IKBIP: variants seen among roughly 807,000 people sequenced by gnomAD.
IKBIP encodes IKBKB interacting protein.
IKBIP carries 28 observed loss-of-function variants against 31.0 expected under a neutral mutation model. The ratio of observed to expected loss-of-function variants is 0.90; its 90% CI spans 0.67 to 1.24. The LOEUF is 1.24. IKBIP is among the 50% of genes most tolerant of loss of function. IKBIP has a pLI of 0.00. For missense variants in IKBIP, 453 were observed against 441.9 expected (o/e 1.03, Z -0.23); for synonymous variants, 164 against 160.3 (o/e 1.02, Z -0.17).
At chr12:98,635,075 G>A (rs557838292) in intron 1 of IKBIP, among the ~76,000 whole-genome samples, 76 of 150,220 alleles carry the variant, frequency 5.1e-4, no homozygotes, top group Middle Eastern at 6.8e-3. Context: ...GCACGATCTC[G>A]GTTCACTGCA....
In IKBIP at chr12:98,626,769, G is replaced by C. The variant is rs2097614953; in HGVS notation, c.298-3C>G. ...AGGATGCTTTCAGTAGACTCAAGCT[G>C]CATTTATAACACAAAACAATTCCCA... On this transcript the variant is annotated splice_polypyrimidine_tract_variant and splice_region_variant and intron_variant, in intron 2 of 2. Coordinates refer to ENST00000299157, the MANE Select transcript of IKBIP (RefSeq NM_153687.4). 2 of 1,583,806 alleles carry C rather than the reference G, an allele frequency of 1.3e-6. No homozygotes were observed. Among genetic ancestry groups the C allele is most frequent in the Admixed American group, 3.7e-5 (2 of 54,482 alleles).
exon 3 of IKBIP, chr12:98,614,015 T>C: frequency 6.2e-7 from 1 of 1,610,114 alleles, no homozygotes; most frequent in Non-Finnish European, 8.5e-7. Flanking sequence ...TACTGTATTT[T>C]TTTCTACTTT....
At chr12:98,629,709 G>T (rs941920284) in intron 2 of IKBIP, among the ~76,000 whole-genome samples, 1 of 152,032 alleles carries the variant, frequency 6.6e-6, no homozygotes, top group Non-Finnish European at 1.5e-5. Flanking sequence ...ACATGGTTAG[G>T]TTTAGTTGTT....
downstream of IKBIP, among the ~76,000 whole-genome samples, chr12:98,620,508 A>C (rs11109547): frequency 2.9e-3 from 443 of 152,042 alleles, 2 homozygotes; most frequent in Non-Finnish European, 5.5e-3. Context: ...CTGGGATTAC[A>C]GACGCTCACC....
At chr12:98,632,736 T>C (rs979560529) in intron 2 of IKBIP, among the ~76,000 whole-genome samples, 3 of 149,206 alleles carry the variant, frequency 2.0e-5, no homozygotes, top group African/African-American at 4.9e-5. Context: ...GCAATTCTCA[T>C]ACATCAGCCT....
chr12:98,635,274 G>A (rs935663168), intron 1 of IKBIP, among the ~76,000 whole-genome samples: 5 of 152,070 alleles, frequency 3.3e-5, no homozygotes, highest in African/African-American at 1.2e-4. Flanking sequence ...AAAGTGCTAG[G>A]ATTACAGGCA....
At chr12:98,617,047 C>T (rs562469480) in intron 2 of IKBIP, among the ~76,000 whole-genome samples, 1 of 152,254 alleles carries the variant, frequency 6.6e-6, no homozygotes, top group African/African-American at 2.4e-5. Context: ...GCTTTATTGG[C>T]CTGTAACTTT....
chr12:98,617,629 G>A (rs770904773), intron 2 of IKBIP, among the ~76,000 whole-genome samples: 5 of 152,154 alleles, frequency 3.3e-5, no homozygotes, highest in Non-Finnish European at 5.9e-5. Flanking sequence ...GTTGGATAAA[G>A]TCGTACAATT....
chr12:98,635,603 T>A (rs2097625093), intron 1 of IKBIP, among the ~76,000 whole-genome samples: 1 of 152,222 alleles, frequency 6.6e-6, no homozygotes, highest in Non-Finnish European at 1.5e-5. Flanking sequence ...TGATCTCTAC[T>A]GTTTTTCACA....
intron 2 of IKBIP, among the ~76,000 whole-genome samples, chr12:98,631,940 C>T (rs916348271): frequency 1.3e-5 from 2 of 151,426 alleles, no homozygotes; most frequent in Non-Finnish European, 2.9e-5. Flanking sequence ...ACTGCAATCT[C>T]CACCTCCCAG....
At chr12:98,641,979 T>C (rs1017111233) in intron 1 of IKBIP, among the ~76,000 whole-genome samples, 1 of 152,198 alleles carries the variant, frequency 6.6e-6, no homozygotes. Context: ...TGATATAGCA[T>C]TGTGTTATCA....
At chr12:98,642,770 T>A (rs994507447) in intron 1 of IKBIP, among the ~76,000 whole-genome samples, 2 of 151,256 alleles carry the variant, frequency 1.3e-5, no homozygotes, top group Non-Finnish European at 2.9e-5. Context: ...CTGGCTTTTT[T>A]GTATTTTTAG....
At chr12:98,623,945 A>G (rs555146194), downstream of IKBIP, among the ~76,000 whole-genome samples, 8 of 151,240 alleles carry the variant, frequency 5.3e-5, 1 homozygote, top group South Asian at 1.7e-3. Flanking sequence ...CCTCTTCATA[A>G]ATACAGGATA....
chr12:98,635,505 CA>C (rs2097624986), intron 1 of IKBIP, among the ~76,000 whole-genome samples: 1 of 152,106 alleles, frequency 6.6e-6, no homozygotes, highest in South Asian at 2.1e-4. Context: ...CACAGCCCAC[CA>C]AATAAGATGG....
At chr12:98,629,376 T>TCAAACAAACAAA (rs61111913) in intron 2 of IKBIP, among the ~76,000 whole-genome samples, 43 of 149,928 alleles carry the variant, frequency 2.9e-4, no homozygotes, top group East Asian at 1.6e-3. Context: ...CCTGTCTCTA[T>TCAAACAAACAAA]CAAACAAACA....
At chr12:98,635,902 T>C (rs1224329278) in intron 1 of IKBIP, among the ~76,000 whole-genome samples, 2 of 152,278 alleles carry the variant, frequency 1.3e-5, no homozygotes, top group African/African-American at 4.8e-5. Flanking sequence ...GTGACTCGTA[T>C]AGGTGTACTT....
chr12:98,638,774 G>C (rs1380711204), intron 1 of IKBIP, among the ~76,000 whole-genome samples: 1 of 152,030 alleles, frequency 6.6e-6, no homozygotes, highest in Non-Finnish European at 1.5e-5. Context: ...TCTGTAGAGA[G>C]GAGATCTGGC....
intron 2 of IKBIP, among the ~76,000 whole-genome samples, chr12:98,632,269 T>C (rs1486875147): frequency 6.6e-6 from 1 of 151,042 alleles, no homozygotes; most frequent in Non-Finnish European, 1.5e-5. Flanking sequence ...AGGAGTTTGA[T>C]ACCAGCCTGG....
downstream of IKBIP, among the ~76,000 whole-genome samples, chr12:98,620,145 T>C (rs1400343617): frequency 6.8e-6 from 1 of 147,254 alleles, no homozygotes; most frequent in Non-Finnish European, 1.5e-5. Context: ...TGTTGCGAAC[T>C]CCTGACCTCA....
Sources: gnomAD v4.1 joint callset for allele counts (sites outside exome capture counted in the v4.1 genomes callset) on GRCh38, gnomAD v4.1.1 for gene constraint, MANE v1.5 for transcripts, NCBI Gene and HGNC (gene_info 2026-07-23, HGNC 2026-07-21) for gene names.